CDK8: variants seen among roughly 807,000 people sequenced by gnomAD.
The protein encoded by CDK8 is cyclin-dependent kinase 8.
In CDK8, 29 loss-of-function variants were observed where a neutral mutation model predicts 71.5. The observed-to-expected ratio is 0.41, with a 90% CI of 0.30 to 0.55. The LOEUF (loss-of-function observed/expected upper bound fraction) is 0.55. Ranked by LOEUF, CDK8 falls within the 20% of genes least tolerant of loss-of-function variation. The probability of loss-of-function intolerance (pLI) is 0.37; values close to 1 mark genes in which losing one functional copy is unlikely to be tolerated. For missense variants in CDK8, 288 were observed against 572.6 expected (o/e 0.50, Z 5.07); for synonymous variants, 161 against 192.1 (o/e 0.84, Z 1.34).
At chr13:26,359,672 T>C (rs1449854005) in intron 4 of CDK8, 7 of 396,514 alleles carry the variant, frequency 1.8e-5, no homozygotes, top group Admixed American at 1.1e-4. Flanking sequence ...TTTGAGAGCA[T>C]CTAGACAACT....
intron 1 of CDK8, among the ~76,000 whole-genome samples, chr13:26,265,702 G>C (rs765272006): frequency 5.3e-5 from 8 of 152,102 alleles, no homozygotes; most frequent in Non-Finnish European, 1.2e-4. Context: ...TGGTATGTAC[G>C]GTGAGACAAT....
At chr13:26,371,993 A>G (rs1410067446) in intron 4 of CDK8, among the ~76,000 whole-genome samples, 1 of 152,210 alleles carries the variant, frequency 6.6e-6, no homozygotes, top group Non-Finnish European at 1.5e-5. Flanking sequence ...GATTACAGCC[A>G]TGTAATTTAA....
Position 26,255,197 on chromosome 13 carries a change from C to A in CDK8, c.128+428C>A, listed in dbSNP as rs1871468175. 2.6e-5 allele frequency among the ~76,000 whole-genome samples: 4 copies of A among 152,092 alleles called. No individual in the cohort carries two copies. In the South Asian group the frequency reaches 8.3e-4, roughly 32 times the overall value. ...TCTAGAAGGAAGGCTGTGATCCTTT[C>A]CCCCACCAGTTTGTGATCGATTTTT... On this transcript the variant is annotated intron_variant, in intron 1 of 12. Coordinates refer to ENST00000381527, the MANE Select transcript of CDK8 (RefSeq NM_001260.3).
intron 4 of CDK8, among the ~76,000 whole-genome samples, chr13:26,367,166 G>A (rs1874429458): frequency 6.6e-6 from 1 of 151,804 alleles, no homozygotes; most frequent in Non-Finnish European, 1.5e-5. Context: ...CCCCCTTCTG[G>A]TTAACACTAG....
intron 6 of CDK8, among the ~76,000 whole-genome samples, chr13:26,386,765 T>C: frequency 6.6e-6 from 1 of 152,210 alleles, no homozygotes; most frequent in East Asian, 1.9e-4. Flanking sequence ...AGAACTTGGA[T>C]GACACCCCTC....
At chr13:26,302,942 G>A (rs1381722825) in intron 1 of CDK8, among the ~76,000 whole-genome samples, 1 of 152,154 alleles carries the variant, frequency 6.6e-6, no homozygotes, top group African/African-American at 2.4e-5. Flanking sequence ...CTGGGCTCAA[G>A]CGATCCTCTT....
intron 4 of CDK8, among the ~76,000 whole-genome samples, chr13:26,360,882 A>G (rs1874108059): frequency 6.6e-6 from 1 of 152,054 alleles, no homozygotes; most frequent in South Asian, 2.1e-4. Flanking sequence ...GCTTCCCCCC[A>G]TCCGTCTGCA....
intron 1 of CDK8, among the ~76,000 whole-genome samples, chr13:26,260,457 G>C (rs535442715): frequency 6.6e-6 from 1 of 152,234 alleles, no homozygotes; most frequent in African/African-American, 2.4e-5. Context: ...GTTTTGCCTG[G>C]GGCTCTGGTT....
chr13:26,270,255 G>A (rs1056101741), intron 1 of CDK8, among the ~76,000 whole-genome samples: 4 of 151,940 alleles, frequency 2.6e-5, no homozygotes, highest in Non-Finnish European at 4.4e-5. Context: ...TGGGTGTGGT[G>A]GCAGGTGCCT....
chr13:26,263,217 G>C (rs1404483271), intron 1 of CDK8, among the ~76,000 whole-genome samples: 1 of 152,032 alleles, frequency 6.6e-6, no homozygotes, highest in African/African-American at 2.4e-5. Flanking sequence ...CTCACTGCTA[G>C]CTCCGCTTCC....
chr13:26,369,709 C>CTTT (rs36116401), intron 4 of CDK8, among the ~76,000 whole-genome samples: 47 of 95,346 alleles, frequency 4.9e-4, no homozygotes, highest in South Asian at 7.7e-4. Flanking sequence ...TTCTTTCTTT[C>CTTT]TTTTTTTTTT....
At chr13:26,290,841 G>C (rs987902888) in intron 1 of CDK8, among the ~76,000 whole-genome samples, 1 of 152,130 alleles carries the variant, frequency 6.6e-6, no homozygotes, top group African/African-American at 2.4e-5. Context: ...TCTGGGCCAG[G>C]CGCGGTGGCT....
chr13:26,308,309 A>G (rs1874131677), intron 1 of CDK8, among the ~76,000 whole-genome samples: 1 of 152,252 alleles, frequency 6.6e-6, no homozygotes, highest in Admixed American at 6.5e-5. Context: ...AGTGTTGGAC[A>G]GTACCAACCA....
In CDK8 at chr13:26,342,640, A is replaced by C. The variant is rs369574520; in HGVS notation, c.204+4998A>C. On this transcript the variant is annotated intron_variant, in intron 2 of 12. Coordinates refer to ENST00000381527, the MANE Select transcript of CDK8 (RefSeq NM_001260.3). ...TTTACTTCAAGGTAATTGTCCACTG[A>C]GACAGTTCCATCACCAATCCTCAGT... 2.0e-4 allele frequency among the ~76,000 whole-genome samples: 31 copies of C among 152,264 alleles called. No homozygotes were observed. In the East Asian group the frequency reaches 4.8e-3, roughly 24 times the overall value.
chr13:26,316,543 C>A (rs1430540999), intron 1 of CDK8, among the ~76,000 whole-genome samples: 6 of 151,998 alleles, frequency 3.9e-5, no homozygotes, highest in Non-Finnish European at 8.8e-5. Context: ...AAAACAACTG[C>A]ATATATGGGA....
chr13:26,385,406 A>G, intron 6 of CDK8, 64 bp downstream of exon 6: 7 of 1,327,962 alleles, frequency 5.3e-6, no homozygotes, highest in Non-Finnish European at 7.3e-6. Context: ...ACACATTCCT[A>G]TATATTTTTA....
chr13:26,345,302 G>A (rs1253101263), intron 2 of CDK8, among the ~76,000 whole-genome samples: 2 of 152,144 alleles, frequency 1.3e-5, no homozygotes, highest in African/African-American at 4.8e-5. Context: ...CCAGAATGAA[G>A]TCTTTACTCT....
chr13:26,262,690 C>A (rs1202345728), intron 1 of CDK8, among the ~76,000 whole-genome samples: 1 of 152,076 alleles, frequency 6.6e-6, no homozygotes, highest in Admixed American at 6.5e-5. Flanking sequence ...GAAAATGAAC[C>A]CTTTAAAATG....
intron 1 of CDK8, among the ~76,000 whole-genome samples, chr13:26,329,482 T>G (rs61160741): frequency 0.5 from 54,776 of 109,288 alleles, 11,856 homozygotes; most frequent in East Asian, 0.63. Context: ...TTTTTTTTTT[T>G]GTTTTTTTTT....
Sources: gnomAD v4.1 joint callset for allele counts (sites outside exome capture counted in the v4.1 genomes callset) on GRCh38, gnomAD v4.1.1 for gene constraint, MANE v1.5 for transcripts, NCBI Gene and HGNC (gene_info 2026-07-23, HGNC 2026-07-21) for gene names.